The following ASTN2 variants were observed in gnomAD, a reference collection of about 807,000 sequenced individuals.
The protein encoded by ASTN2 is astrotactin-2.
ASTN2 carries 54 observed loss-of-function variants against 139.8 expected under a neutral mutation model. The ratio of observed to expected loss-of-function variants is 0.39; its 90% CI spans 0.31 to 0.48. The LOEUF is 0.48. Among genes scored for constraint, ASTN2 ranks in the 20% least tolerant of loss-of-function variants. ASTN2 has a pLI of 0.95. For synonymous variants in ASTN2, 756 were observed against 719.5 expected, an observed-to-expected ratio of 1.05 and a Z score of -0.81; for missense variants, 1,565 against 1,725.1, an observed-to-expected ratio of 0.91 and a Z score of 1.64.
At chr9:117,186,505 C>T (rs972765620) in intron 3 of ASTN2, among the ~76,000 whole-genome samples, 24 of 151,930 alleles carry the variant, frequency 1.6e-4, no homozygotes, top group African/African-American at 5.1e-4. Context: ...CGAAATCACG[C>T]CACTGCACTC....
intron 4 of ASTN2, among the ~76,000 whole-genome samples, chr9:117,134,279 TATATATATATATATATACAC>T (rs1024255707): frequency 2.7e-5 from 2 of 74,432 alleles, no homozygotes; most frequent in African/African-American, 9.5e-5. Context: ...TATATATATA[TATATATATATATATATACAC>T]ACACACACAC....
intron 19 of ASTN2, among the ~76,000 whole-genome samples, chr9:116,522,446 T>G (rs548027069): frequency 6.6e-6 from 1 of 152,066 alleles, no homozygotes; most frequent in Non-Finnish European, 1.5e-5. Context: ...CTCTCACTCA[T>G]ACGTGGGAGC....
intron 10 of ASTN2, among the ~76,000 whole-genome samples, chr9:116,931,768 C>G (rs1834904901): frequency 6.6e-6 from 1 of 152,116 alleles, no homozygotes. Flanking sequence ...ATACAAATAT[C>G]ACATCTCTTG....
At chr9:116,575,403 A>G (rs1853685613) in intron 19 of ASTN2, among the ~76,000 whole-genome samples, 1 of 152,160 alleles carries the variant, frequency 6.6e-6, no homozygotes, top group South Asian at 2.1e-4. Flanking sequence ...GTGGATGAGT[A>G]CAGGATCCCT....
At chr9:116,668,106 G>A (rs1858980399) in intron 16 of ASTN2, among the ~76,000 whole-genome samples, 1 of 151,892 alleles carries the variant, frequency 6.6e-6, no homozygotes, top group Non-Finnish European at 1.5e-5. Flanking sequence ...TGGAAACCTG[G>A]AAACTCCTGA....
chr9:117,378,249 G>A (rs757786024), intron 1 of ASTN2, among the ~76,000 whole-genome samples: 1 of 152,216 alleles, frequency 6.6e-6, no homozygotes, highest in Non-Finnish European at 1.5e-5. Flanking sequence ...AGTGGGGTCA[G>A]GGAGTAGATC....
At position 117,195,379 on chromosome 9, in the gene ASTN2, T is replaced by C. The variant is rs953775585; in HGVS notation, c.1015+18979A>G. 3.9e-5 allele frequency among the ~76,000 whole-genome samples: 6 copies of C among 152,150 alleles called. No homozygotes were observed. The East Asian group carries it at 7.7e-4, about 20-fold the overall frequency. On this transcript the variant is annotated intron_variant, in intron 3 of 22. Transcript: ENST00000313400. The stretch of plus-strand genomic sequence containing the variant: ...AGTCTGAAGAACAGAGAAGAGGCCA[T>C]TGTGTCTGGAGCATGGAGGGCAACT...
At chr9:116,786,712 C>G (rs757124758) in intron 13 of ASTN2, among the ~76,000 whole-genome samples, 1 of 152,160 alleles carries the variant, frequency 6.6e-6, no homozygotes, top group Non-Finnish European at 1.5e-5. Flanking sequence ...ACTTTAATGC[C>G]TGTAAAGAAA....
intron 16 of ASTN2, among the ~76,000 whole-genome samples, chr9:116,721,741 G>A (rs1224614856): frequency 6.6e-6 from 1 of 152,108 alleles, no homozygotes; most frequent in Non-Finnish European, 1.5e-5. Flanking sequence ...GTCCCCTACG[G>A]ACTACTGGAA....
At chr9:117,107,309 T>A (rs1312659923) in intron 4 of ASTN2, among the ~76,000 whole-genome samples, 1 of 152,184 alleles carries the variant, frequency 6.6e-6, no homozygotes, top group East Asian at 1.9e-4. Flanking sequence ...CATCCCCATG[T>A]AGAAATTTCT....
intron 19 of ASTN2, among the ~76,000 whole-genome samples, chr9:116,512,946 CTT>C (rs1266237309): frequency 3.3e-5 from 5 of 152,140 alleles, no homozygotes; most frequent in African/African-American, 4.8e-5. Flanking sequence ...GGTCTTGACT[CTT>C]TATCCAATTT....
chr9:117,046,648 G>A (rs1838752697), intron 5 of ASTN2, among the ~76,000 whole-genome samples: 2 of 152,132 alleles, frequency 1.3e-5, no homozygotes, highest in South Asian at 4.2e-4. Flanking sequence ...ACACTTAGCT[G>A]CTGGCCCCCG....
chr9:116,921,111 A>T (rs1834592307), intron 10 of ASTN2, among the ~76,000 whole-genome samples: 1 of 152,294 alleles, frequency 6.6e-6, no homozygotes, highest in South Asian at 2.1e-4. Flanking sequence ...TACATCTGAC[A>T]TGGTAGGAGC....
chr9:116,731,895 C>A (rs1293787825), intron 14 of ASTN2, among the ~76,000 whole-genome samples: 1 of 152,098 alleles, frequency 6.6e-6, no homozygotes, highest in Non-Finnish European at 1.5e-5. Context: ...CTGGGGGTAT[C>A]CAAAGAGGGA....
intron 3 of ASTN2, among the ~76,000 whole-genome samples, chr9:117,177,278 TA>T (rs1830940533): frequency 1.3e-5 from 2 of 152,232 alleles, no homozygotes; most frequent in African/African-American, 4.8e-5. Flanking sequence ...TACTTACAGC[TA>T]GCCTTGTTTT....
intron 16 of ASTN2, among the ~76,000 whole-genome samples, chr9:116,655,075 C>T (rs1244342538): frequency 1.3e-5 from 2 of 152,104 alleles, no homozygotes; most frequent in African/African-American, 2.4e-5. Context: ...CAAAGGAGGG[C>T]TATAATCTGG....
At chr9:117,102,235 T>A (rs961795457) in intron 4 of ASTN2, among the ~76,000 whole-genome samples, 56 of 152,236 alleles carry the variant, frequency 3.7e-4, no homozygotes, top group Admixed American at 7.9e-4. Flanking sequence ...ACAATGTGGA[T>A]GAATGTTGCA....
intron 19 of ASTN2, among the ~76,000 whole-genome samples, chr9:116,538,442 G>T (rs1267551484): frequency 6.6e-6 from 1 of 152,112 alleles, no homozygotes; most frequent in Non-Finnish European, 1.5e-5. Context: ...TGTGGCCCAT[G>T]ACTTTGTATT....
In ASTN2 at chr9:116,780,731, A is replaced by C. The variant is rs530504053; in HGVS notation, c.2396+24901T>G. Among the ~76,000 whole-genome samples the C allele has an allele frequency of 7.2e-5, 11 of 152,282 alleles. 1 individual carries two copies. The highest frequency in any genetic ancestry group is 2.6e-4 in the African/African-American group (11 of 41,562). The stretch of plus-strand genomic sequence containing the variant: ...ATTTCCATTTCCCCCTACACAACCA[A>C]GAGCTATTTTATTTACTTTTGTATA... On this transcript the variant is annotated intron_variant, in intron 13 of 22. Coordinates refer to ENST00000313400, the MANE Select transcript of ASTN2 (RefSeq NM_001365068.1).
Sources: gnomAD v4.1 joint callset for allele counts (sites outside exome capture counted in the v4.1 genomes callset) on GRCh38, gnomAD v4.1.1 for gene constraint, MANE v1.5 for transcripts, NCBI Gene and HGNC (gene_info 2026-07-23, HGNC 2026-07-21) for gene names.